The following IFT80 variants were observed in gnomAD, a reference collection of about 807,000 sequenced individuals.
The protein encoded by IFT80 is intraflagellar transport 80.
In IFT80, 79 loss-of-function variants were observed where a neutral mutation model predicts 107.9. The observed-to-expected ratio is 0.73, with a 90% confidence interval of 0.61 to 0.88. The LOEUF (loss-of-function observed/expected upper bound fraction) is 0.88, where lower values mean the gene tolerates loss of function less well. IFT80 is among the 40% of genes least tolerant of loss of function. The probability of loss-of-function intolerance (pLI) is 0.00; values close to 1 mark genes in which losing one functional copy is unlikely to be tolerated. For missense variants in IFT80, 797 were observed against 914.2 expected, an observed-to-expected ratio of 0.87 and a Z score of 1.65; for synonymous variants, 299 against 300.9, an observed-to-expected ratio of 0.99 and a Z score of 0.07.
chr3:160,352,406 C>T (rs1408214030), intron 8 of IFT80, among the ~76,000 whole-genome samples: 3 of 152,004 alleles, frequency 2.0e-5, no homozygotes, highest in African/African-American at 7.2e-5. Flanking sequence ...TTTGGTATCA[C>T]CTGCGTTATA....
chr3:160,302,746 C>A (rs970323357), intron 11 of IFT80, among the ~76,000 whole-genome samples: 2 of 151,890 alleles, frequency 1.3e-5, no homozygotes, highest in Non-Finnish European at 2.9e-5. Context: ...ACAAAAATGA[C>A]TTATTTTAAA....
intron 9 of IFT80, among the ~76,000 whole-genome samples, chr3:160,316,311 G>T (rs920362628): frequency 6.6e-6 from 1 of 152,126 alleles, no homozygotes; most frequent in Admixed American, 6.5e-5. Context: ...CAACCATCAT[G>T]TCAGTGAGCT....
intron 18 of IFT80, among the ~76,000 whole-genome samples, chr3:160,269,992 C>G (rs1004663209): frequency 1.3e-5 from 2 of 151,922 alleles, no homozygotes; most frequent in Non-Finnish European, 2.9e-5. Context: ...TTTTGGCATG[C>G]TTTGGTTTGG....
intron 8 of IFT80, among the ~76,000 whole-genome samples, chr3:160,348,320 AT>A (rs1422769611): frequency 1.3e-5 from 2 of 152,204 alleles, no homozygotes; most frequent in Non-Finnish European, 2.9e-5. Context: ...TAGCTCTGAA[AT>A]GTGCAAAGCT....
intron 18 of IFT80, chr3:160,268,752 T>C (rs577694388): frequency 1.8e-4 from 96 of 520,668 alleles, no homozygotes; most frequent in Non-Finnish European, 3.0e-4. Flanking sequence ...GCTCTTCTTG[T>C]AGAAATAAAT....
At chr3:160,322,000 C>T (rs969376913) in intron 8 of IFT80, among the ~76,000 whole-genome samples, 2 of 138,966 alleles carry the variant, frequency 1.4e-5, no homozygotes, top group Admixed American at 7.3e-5. Flanking sequence ...TCATTGTCAG[C>T]TTGTTATTTA....
intron 7 of IFT80, among the ~76,000 whole-genome samples, chr3:160,356,461 C>T (rs1056761093): frequency 3.9e-5 from 6 of 152,032 alleles, no homozygotes; most frequent in Non-Finnish European, 8.8e-5. Context: ...TAAAATCTAC[C>T]CATTTTAAGT....
chr3:160,313,006 T>A (rs1168044252), intron 9 of IFT80, among the ~76,000 whole-genome samples: 1 of 71,546 alleles, frequency 1.4e-5, no homozygotes, highest in Non-Finnish European at 2.5e-5. Flanking sequence ...ATATATAAAT[T>A]AATATATAAT....
chr3:160,276,934 T>G (rs1318018410), intron 18 of IFT80, among the ~76,000 whole-genome samples: 1 of 152,208 alleles, frequency 6.6e-6, no homozygotes, highest in Non-Finnish European at 1.5e-5. Context: ...CAGATATTTC[T>G]TATGAGCTCC....
chr3:160,320,774 T>TTTTG (rs541300655), intron 8 of IFT80, among the ~76,000 whole-genome samples: 1 of 151,874 alleles, frequency 6.6e-6, no homozygotes, highest in East Asian at 1.9e-4. Flanking sequence ...CATATATATA[T>TTTTG]TTTGTTTGTT....
chr3:160,268,545 A>G lies in IFT80; in HGVS notation c.2100-9T>C. ...CAGCCAATTCCAGTGCCCTATAATG[A>G]GAAATAAAACAGATTATTAACATTG... On this transcript the variant is annotated splice_polypyrimidine_tract_variant and intron_variant, in intron 18 of 19. Coordinates refer to ENST00000326448, the MANE Select transcript of IFT80 (RefSeq NM_020800.3). 2 of 1,612,400 alleles carry G rather than the reference A, an allele frequency of 1.2e-6. No individual in the cohort carries two copies. The highest frequency in any genetic ancestry group is 1.7e-6 in the Non-Finnish European group (2 of 1,178,694).
chr3:160,303,603 T>G (rs1385196119), intron 11 of IFT80, among the ~76,000 whole-genome samples: 1 of 152,218 alleles, frequency 6.6e-6, no homozygotes, highest in African/African-American at 2.4e-5. Context: ...AATGAGTTTA[T>G]TCTCATCCCT....
At chr3:160,343,926 T>C in intron 8 of IFT80, 1 of 181,246 alleles carries the variant, frequency 5.5e-6, no homozygotes, top group South Asian at 8.9e-5. Flanking sequence ...TTGATAAATA[T>C]GAAAATAAAT....
intron 8 of IFT80, among the ~76,000 whole-genome samples, chr3:160,327,733 C>A (rs1718774035): frequency 6.6e-6 from 1 of 152,090 alleles, no homozygotes; most frequent in South Asian, 2.1e-4. Context: ...ACTATAAATA[C>A]CCTAGAAGAA....
chr3:160,319,789 C>A lies in IFT80; in HGVS notation c.928G>T (p.Val310Leu). Residue 310 changes from valine (V) to leucine (L), a missense_variant, in exon 9 of 20, where the codon GTA (valine) becomes TTA (leucine). By Grantham distance (32) the Val-to-Leu change is conservative. Coordinates refer to ENST00000326448, the MANE Select transcript of IFT80 (RefSeq NM_020800.3). ...ATGGCTCTTCTTTTCGTTAATGTTA[C>A]TTGAAAATTTTTCCACTCCCAATGT... ...EQHWEWKNFQ[V>L]TLTKRRAMQV... 6.2e-7 allele frequency: 1 copy of A among 1,612,912 alleles called. No homozygotes were observed. The highest frequency in any genetic ancestry group is 8.5e-7 in the Non-Finnish European group (1 of 1,179,220).
At position 160,268,410 on chromosome 3, in the gene IFT80, T is replaced by TA; in HGVS notation, c.2223+2dup. 6.2e-7 allele frequency: 1 copy of TA among 1,611,340 alleles called. No individual in the cohort carries two copies. The highest frequency in any genetic ancestry group is 1.1e-5 in the South Asian group (1 of 91,000). On this transcript the variant is annotated splice_region_variant and intron_variant, in intron 19 of 19. Coordinates refer to ENST00000326448, the MANE Select transcript of IFT80 (RefSeq NM_020800.3). ...TTATTATACAAAATTGTGAAATACT[T>TA]ACACCTTCTGCATAATGCAAGTATC...
chr3:160,369,154 T>C (rs759473520), intron 5 of IFT80, among the ~76,000 whole-genome samples: 3 of 151,980 alleles, frequency 2.0e-5, no homozygotes, highest in Non-Finnish European at 2.9e-5. Flanking sequence ...AACAAATTTG[T>C]AAACAATAAT....
intron 8 of IFT80, among the ~76,000 whole-genome samples, chr3:160,322,887 G>GT (rs1433738820): frequency 6.6e-6 from 1 of 151,868 alleles, no homozygotes; most frequent in Non-Finnish European, 1.5e-5. Flanking sequence ...GGGGTTGTTT[G>GT]TTTTTTTCTT....
chr3:160,347,449 T>C (rs1171115543), intron 8 of IFT80, among the ~76,000 whole-genome samples: 13 of 152,120 alleles, frequency 8.5e-5, no homozygotes. Context: ...CCATACCTCT[T>C]CTGCTCATTT....
Sources: allele counts gnomAD v4.1 joint callset (sites outside exome capture counted in the v4.1 genomes callset), GRCh38; gene constraint gnomAD v4.1.1; transcripts MANE v1.5; gene names NCBI Gene and HGNC (gene_info 2026-07-23, HGNC 2026-07-21).